PFKP: variants seen among roughly 807,000 people sequenced by gnomAD.
The protein encoded by PFKP is phosphofructokinase, platelet.
A neutral mutation model predicts 94.3 loss-of-function variants in PFKP; 101 were observed. The ratio of observed to expected loss-of-function variants is 1.07; its 90% CI spans 0.91 to 1.26. PFKP has a LOEUF of 1.26. Among genes scored for constraint, PFKP ranks in the 50% most tolerant of loss-of-function variants. PFKP has a pLI of 0.00. For missense variants in PFKP, 1,145 were observed against 1,103.3 expected (o/e 1.04, Z -0.53); for synonymous variants, 573 against 432.6 (o/e 1.32, Z -4.03).
At chr10:3,124,430 A>C (rs1476843702) in intron 16 of PFKP, among the ~76,000 whole-genome samples, 1 of 152,166 alleles carries the variant, frequency 6.6e-6, no homozygotes, top group African/African-American at 2.4e-5. Flanking sequence ...CCTTTCTGAT[A>C]CCGGAGCGCA....
At chr10:3,129,536 C>CA in intron 16 of PFKP, 1 of 430,306 alleles carries the variant, frequency 2.3e-6, no homozygotes, top group Non-Finnish European at 4.2e-6. Context: ...CCGTCCCCTT[C>CA]TATGGGGCCT....
Position 3,108,030 on chromosome 10 carries a change from T to G in PFKP, c.871-671T>G, listed in dbSNP as rs1477727242. 7 of 1,287,156 alleles carry G rather than the reference T, an allele frequency of 5.4e-6. No individual in the cohort carries two copies. In the East Asian group the frequency reaches 3.9e-4, roughly 71 times the overall value. The allele number at this position is 1,287,156 out of a possible 1,614,324, so 79.7% of individuals were successfully genotyped here. ...TCAGTTAAGGAGCAAAGCATATCTC[T>G]GGATATGAAAACAGTGATGGACACC... is the stretch of plus-strand genomic sequence containing the variant. On this transcript the variant is annotated intron_variant, in intron 8 of 21. Transcript: ENST00000381125.
chr10:3,129,712 T>G, intron 16 of PFKP, 107 bp from the exon 17 acceptor site: 1 of 1,185,892 alleles, frequency 8.4e-7, no homozygotes, highest in Non-Finnish European at 1.2e-6. Flanking sequence ...GACCGCATGT[T>G]TGGGCGCGGT....
intron 1 of PFKP, among the ~76,000 whole-genome samples, chr10:3,072,277 G>A (rs1564255950): frequency 6.6e-6 from 1 of 152,214 alleles, no homozygotes; most frequent in East Asian, 1.9e-4. Context: ...GTTTCCATTG[G>A]CTGGACGTGC....
At chr10:3,102,376 C>G (rs368653701) in intron 4 of PFKP, among the ~76,000 whole-genome samples, 6 of 151,710 alleles carry the variant, frequency 4.0e-5, no homozygotes, top group African/African-American at 1.5e-4. Flanking sequence ...TTCTGAGAGC[C>G]CTGTGTGTAT....
chr10:3,132,526 A>G (rs1838711525), intron 18 of PFKP, 85 bp downstream of exon 18: 1 of 964,962 alleles, frequency 1.0e-6, no homozygotes, highest in Non-Finnish European at 1.7e-6. Context: ...GGGCTGGATG[A>G]GTGGTCATTT....
chr10:3,101,110 C>A (rs2131538770), intron 3 of PFKP: 1 of 923,512 alleles, frequency 1.1e-6, no homozygotes, highest in Non-Finnish European at 1.7e-6. Context: ...TATTTAACTG[C>A]TGGCTGCCGT....
At chr10:3,083,648 T>G (rs965267398) in intron 2 of PFKP, among the ~76,000 whole-genome samples, 7 of 152,028 alleles carry the variant, frequency 4.6e-5, no homozygotes, top group African/African-American at 1.7e-4. Context: ...ACTTATTTTA[T>G]TTTATTTTTT....
At chr10:3,101,244 C>G (rs902792694) in intron 3 of PFKP, 121 bp from the exon 4 acceptor site, 3 of 872,444 alleles carry the variant, frequency 3.4e-6, no homozygotes, top group African/African-American at 1.7e-5. Context: ...TACTAACTCA[C>G]AAGATGAAAA....
intron 16 of PFKP, among the ~76,000 whole-genome samples, chr10:3,128,446 T>G (rs1838190969): frequency 6.6e-6 from 1 of 152,196 alleles, no homozygotes; most frequent in South Asian, 2.1e-4. Context: ...GGAAGGTGCC[T>G]CTGTGTGTCC....
chr10:3,112,125 G>A (rs564060510), intron 10 of PFKP, 97 bp from the exon 11 acceptor site: 34 of 960,276 alleles, frequency 3.5e-5, no homozygotes, highest in South Asian at 2.9e-4. Context: ...AGACTGGAGG[G>A]GGCTGGTGGG....
At chr10:3,084,460 C>T (rs1219342959) in intron 2 of PFKP, among the ~76,000 whole-genome samples, 5 of 152,126 alleles carry the variant, frequency 3.3e-5, no homozygotes, top group Non-Finnish European at 1.5e-5. Flanking sequence ...TTGTTGTTTG[C>T]TTTTATTCAA....
intron 10 of PFKP, among the ~76,000 whole-genome samples, 184 bp downstream of exon 10, chr10:3,109,664 C>A (rs918047196): frequency 6.6e-6 from 1 of 152,184 alleles, no homozygotes; most frequent in African/African-American, 2.4e-5. Flanking sequence ...ACCTGCAGAG[C>A]CTGCGCCGTC....
intron 11 of PFKP, 117 bp from the exon 12 acceptor site, chr10:3,113,002 C>A: frequency 1.1e-6 from 1 of 902,792 alleles, no homozygotes; most frequent in Non-Finnish European, 1.7e-6. Flanking sequence ...CCTCCTTCTG[C>A]CCAGATAGTC....
intron 16 of PFKP, among the ~76,000 whole-genome samples, chr10:3,123,824 A>G (rs565249089): frequency 1.9e-4 from 29 of 152,124 alleles, no homozygotes; most frequent in Non-Finnish European, 3.4e-4. Context: ...AAAAACTGCC[A>G]TGGCCAGAGC....
rs569764279 is a variant in PFKP, at chr10:3,067,719, C to A, written c.112+12C>A. ...CGGGGATGCTCAAGGTGCGCGCCCC[C>A]CTCCCGGCGGCGAGGGAGGGACGGA... On this transcript the variant is annotated intron_variant, in intron 1 of 21. Coordinates refer to ENST00000381125, the MANE Select transcript of PFKP (RefSeq NM_002627.5). The A allele has an allele frequency of 7.0e-5, 100 of 1,425,464 alleles. No homozygotes were observed. The Middle Eastern group carries it at 9.2e-4, about 13-fold the overall frequency. The allele number at this position is 1,425,464 out of a possible 1,614,324, so 88.3% of individuals were successfully genotyped here.
chr10:3,101,302 T>A, intron 3 of PFKP, 63 bp from the exon 4 acceptor site: 2 of 1,352,436 alleles, frequency 1.5e-6, no homozygotes, highest in South Asian at 2.6e-5. Context: ...TCGGCCTGTG[T>A]GTGCCATCCA....
intron 2 of PFKP, among the ~76,000 whole-genome samples, chr10:3,096,457 C>A (rs1344049830): frequency 6.6e-6 from 1 of 152,154 alleles, no homozygotes; most frequent in Admixed American, 6.5e-5. Flanking sequence ...TTCAGTTTTG[C>A]CGGAGCCCCA....
chr10:3,129,965 C>T lies in PFKP; in HGVS notation c.1830C>T (p.Phe610=), dbSNP rs76466861. 1,503 of 1,586,922 alleles carry T rather than the reference C, an allele frequency of 9.5e-4. 12 individuals carry two copies. In the African/African-American group the frequency reaches 0.017, roughly 18 times the overall value. ...ADAAYIFEEP[F]DIRDLQSNVE... is the part of the protein sequence containing the mutation. Reference sequence around the variant, plus strand: ...CCGCATACATTTTCGAAGAGCCCTTCGACATCAGGGATCTGCAGGTATGTG... The same window carrying T: ...CCGCATACATTTTCGAAGAGCCCTTTGACATCAGGGATCTGCAGGTATGTG... The change falls in exon 17 of 22, where the codon TTC becomes TTT. Residue 610 remains phenylalanine, a synonymous_variant. Coordinates refer to ENST00000381125, the MANE Select transcript of PFKP (RefSeq NM_002627.5).
Sources: gnomAD v4.1 joint callset for allele counts (sites outside exome capture counted in the v4.1 genomes callset) on GRCh38, gnomAD v4.1.1 for gene constraint, MANE v1.5 for transcripts, NCBI Gene and HGNC (gene_info 2026-07-23, HGNC 2026-07-21) for gene names.